MIPEP: variants seen among roughly 807,000 people sequenced by gnomAD.
MIPEP encodes the protein mitochondrial intermediate peptidase.
MIPEP carries 79 observed loss-of-function variants against 90.3 expected under a neutral mutation model. The ratio of observed to expected loss-of-function variants is 0.87; its 90% CI spans 0.73 to 1.05. The LOEUF (loss-of-function observed/expected upper bound fraction) is 1.05, where lower values mean the gene tolerates loss of function less well. Among genes scored for constraint, MIPEP ranks in the 50% least tolerant of loss-of-function variants. MIPEP has a pLI of 0.00. For missense variants in MIPEP, 940 were observed against 905.6 expected (o/e 1.04, Z -0.49); for synonymous variants, 334 against 315.8 (o/e 1.06, Z -0.61).
chr13:23,837,129 TA>T (rs1299851526), intron 13 of MIPEP, among the ~76,000 whole-genome samples: 1 of 152,172 alleles, frequency 6.6e-6, no homozygotes, highest in African/African-American at 2.4e-5. Flanking sequence ...TATGAAAAAT[TA>T]AAAGGACTTC....
rs1593133050 is a variant in MIPEP at position 23,752,403 on chromosome 13, T to C, written c.2044+4142A>G. ...TAGTGGGGGCAAAGTATTACTTCCTTGCTATTCACAAGCCTCAGCATATCT... is the reference window on the plus strand; with the variant it reads ...TAGTGGGGGCAAAGTATTACTTCCTCGCTATTCACAAGCCTCAGCATATCT... On this transcript the variant is annotated intron_variant, in intron 18 of 18. Coordinates refer to ENST00000382172, the MANE Select transcript of MIPEP (RefSeq NM_005932.4). Among the ~76,000 whole-genome samples the C allele has an allele frequency of 2.6e-5, 4 of 152,338 alleles. No homozygotes were observed. The East Asian group carries it at 7.7e-4, about 29-fold the overall frequency.
At chr13:23,775,399 T>G (rs1952704130) in intron 16 of MIPEP, among the ~76,000 whole-genome samples, 1 of 152,190 alleles carries the variant, frequency 6.6e-6, no homozygotes, top group African/African-American at 2.4e-5. Context: ...TTCTAGGTGC[T>G]CTTTTTAGGC....
At chr13:23,846,243 C>T (rs1245042061) in intron 10 of MIPEP, among the ~76,000 whole-genome samples, 1 of 152,038 alleles carries the variant, frequency 6.6e-6, no homozygotes, top group Non-Finnish European at 1.5e-5. Context: ...TAGAGATATG[C>T]CCTTTATTTT....
rs550431622 is a variant in MIPEP, at chr13:23,760,281, G to A, written c.1849-64C>T. 77 of 1,606,918 alleles carry A rather than the reference G, an allele frequency of 4.8e-5. No individual in the cohort carries two copies. The African/African-American group carries it at 9.3e-4, about 20-fold the overall frequency. On this transcript the variant is annotated intron_variant, in intron 16 of 18. Coordinates refer to ENST00000382172, the MANE Select transcript of MIPEP (RefSeq NM_005932.4). Reference sequence around the variant, plus strand: ...AGTTTCCACTTGGAGAATATCACATGTGAGAACACAGTGGAGACACAGAGA... The same window carrying A: ...AGTTTCCACTTGGAGAATATCACATATGAGAACACAGTGGAGACACAGAGA...
At chr13:23,797,193 C>T (rs1952971821) in intron 16 of MIPEP, among the ~76,000 whole-genome samples, 1 of 152,086 alleles carries the variant, frequency 6.6e-6, no homozygotes, top group South Asian at 2.1e-4. Context: ...TGGGTAATCT[C>T]CTCAATTTCC....
intron 3 of MIPEP, among the ~76,000 whole-genome samples, chr13:23,880,248 A>G (rs1871222408): frequency 6.6e-6 from 1 of 152,102 alleles, no homozygotes; most frequent in African/African-American, 2.4e-5. Flanking sequence ...GTCATTACCC[A>G]TCAAAAAAAC....
intron 10 of MIPEP, among the ~76,000 whole-genome samples, chr13:23,853,757 A>G (rs965025631): frequency 2.0e-5 from 3 of 151,920 alleles, no homozygotes; most frequent in Non-Finnish European, 4.4e-5. Context: ...TAGTAGAGAC[A>G]GGGTTTCACT....
intron 14 of MIPEP, 53 bp downstream of exon 14, chr13:23,836,187 A>T (rs1309106131): frequency 8.4e-7 from 1 of 1,186,304 alleles, no homozygotes; most frequent in Non-Finnish European, 1.2e-6. Flanking sequence ...AGGATGTCAT[A>T]AACGCCAACT....
chr13:23,809,562 C>T (rs1226894808), intron 15 of MIPEP, among the ~76,000 whole-genome samples: 1 of 152,082 alleles, frequency 6.6e-6, no homozygotes, highest in African/African-American at 2.4e-5. Flanking sequence ...TTAAGCTGGT[C>T]TCAAACTCCT....
At chr13:23,860,569 G>C (rs922423036) in intron 9 of MIPEP, among the ~76,000 whole-genome samples, 2 of 152,122 alleles carry the variant, frequency 1.3e-5, no homozygotes, top group Admixed American at 1.3e-4. Context: ...CAGGGTAGTA[G>C]GAAGGGAAAC....
chr13:23,832,296 T>G (rs1323737665), intron 14 of MIPEP, among the ~76,000 whole-genome samples: 29 of 152,178 alleles, frequency 1.9e-4, no homozygotes, highest in Non-Finnish European at 1.5e-5. Context: ...TCCCCACCAG[T>G]AGGAAGGCGC....
chr13:23,841,253 G>T, intron 11 of MIPEP, 82 bp downstream of exon 11: 1 of 1,327,824 alleles, frequency 7.5e-7, no homozygotes, highest in Non-Finnish European at 1.0e-6. Context: ...CAAAGTTGAT[G>T]TAAACCTGAA....
At chr13:23,872,480 T>A (rs1038024005) in intron 5 of MIPEP, among the ~76,000 whole-genome samples, 2 of 152,046 alleles carry the variant, frequency 1.3e-5, no homozygotes, top group African/African-American at 2.4e-5. Flanking sequence ...ATAATAATAA[T>A]AAATAAATAA....
At chr13:23,813,766 C>G (rs915751315) in intron 14 of MIPEP, among the ~76,000 whole-genome samples, 23 of 152,058 alleles carry the variant, frequency 1.5e-4, no homozygotes, top group African/African-American at 5.6e-4. Flanking sequence ...TGTCCAGCCC[C>G]CAAATAATTT....
intron 14 of MIPEP, among the ~76,000 whole-genome samples, chr13:23,831,386 G>GGCGGGGC (rs1555237547): frequency 1.4e-5 from 1 of 69,416 alleles, no homozygotes; most frequent in Non-Finnish European, 3.0e-5. Context: ...CCCATGGCGG[G>GGCGGGGC]GGGGGGATGT....
At chr13:23,758,001 T>C (rs1486863593) in intron 17 of MIPEP, among the ~76,000 whole-genome samples, 1 of 152,224 alleles carries the variant, frequency 6.6e-6, no homozygotes, top group Non-Finnish European at 1.5e-5. Flanking sequence ...TTTGTGAACA[T>C]GGTCTTTAAT....
At chr13:23,827,124 T>C (rs569992534) in intron 14 of MIPEP, among the ~76,000 whole-genome samples, 11 of 151,468 alleles carry the variant, frequency 7.3e-5, no homozygotes, top group African/African-American at 2.2e-4. Context: ...GGTAGCCACG[T>C]TGGCGGGGAG....
chr13:23,867,145 T>C (rs963639529), intron 7 of MIPEP, among the ~76,000 whole-genome samples: 1 of 152,054 alleles, frequency 6.6e-6, no homozygotes, highest in African/African-American at 2.4e-5. Context: ...TCAGATCATC[T>C]CACTCCTCTG....
intron 10 of MIPEP, among the ~76,000 whole-genome samples, chr13:23,844,793 T>C (rs1465299397): frequency 6.6e-6 from 1 of 152,192 alleles, no homozygotes; most frequent in East Asian, 1.9e-4. Flanking sequence ...AATCATTATG[T>C]GTTGGGCAAA....
Sources: allele counts gnomAD v4.1 joint callset (sites outside exome capture counted in the v4.1 genomes callset), GRCh38; gene constraint gnomAD v4.1.1; transcripts MANE v1.5; gene names NCBI Gene and HGNC (gene_info 2026-07-23, HGNC 2026-07-21).